The following NPSR1 variants were observed in gnomAD, a reference collection of about 807,000 sequenced individuals.
The protein encoded by NPSR1 is neuropeptide S receptor.
Under a neutral mutation model 46.9 loss-of-function variants are expected in NPSR1, and 48 were observed. The observed-to-expected ratio is 1.02, with a 90% CI of 0.81 to 1.30. The LOEUF (loss-of-function observed/expected upper bound fraction) is 1.30, where lower values mean the gene tolerates loss of function less well. Among genes scored for constraint, NPSR1 ranks in the 50% most tolerant of loss-of-function variants. The probability of loss-of-function intolerance (pLI) is 0.00; values close to 1 mark genes in which losing one functional copy is unlikely to be tolerated. For synonymous variants in NPSR1, 176 were observed against 168.1 expected, an observed-to-expected ratio of 1.05 and a Z score of -0.36; for missense variants, 450 against 449.5, an observed-to-expected ratio of 1.00 and a Z score of -0.01.
chr7:34,803,667 T>G (rs1788541661), intron 3 of NPSR1, among the ~76,000 whole-genome samples: 1 of 151,328 alleles, frequency 6.6e-6, no homozygotes, highest in Non-Finnish European at 1.5e-5. Flanking sequence ...CGTATACATA[T>G]GTAACTAACC....
At position 34,658,427 on chromosome 7, in the gene NPSR1, C is replaced by A. The variant is rs753231326; in HGVS notation, c.15C>A (p.Phe5Leu). The A allele has an allele frequency of 6.2e-7, 1 of 1,614,098 alleles. No homozygotes were observed. The highest frequency in any genetic ancestry group is 1.1e-5 in the South Asian group (1 of 91,072). MPANFTEGSFDSSGT... is the reference protein window; with the variant it reads MPANLTEGSFDSSGT... The stretch of plus-strand genomic sequence containing the variant: ...CCGCCTGAGCCATGCCAGCCAACTT[C>A]ACAGAGGGCAGCTTCGATTCCAGTG... The change falls in exon 1 of 9, where the codon TTC becomes TTA. Residue 5 changes from phenylalanine (F) to leucine (L), a missense_variant. Coordinates refer to ENST00000360581, the MANE Select transcript of NPSR1 (RefSeq NM_207172.2).
intron 4 of NPSR1, among the ~76,000 whole-genome samples, chr7:34,825,538 G>A (rs958620780): frequency 5.3e-5 from 8 of 152,212 alleles, no homozygotes; most frequent in African/African-American, 1.9e-4. Flanking sequence ...GCATCATGAA[G>A]TTTGCCTGAG....
intron 8 of NPSR1, among the ~76,000 whole-genome samples, chr7:34,871,816 C>T (rs1460426894): frequency 6.6e-6 from 1 of 151,948 alleles, no homozygotes; most frequent in Non-Finnish European, 1.5e-5. Context: ...CTTGGGCAGA[C>T]CCACCCCTGT....
rs570855631 is a variant in NPSR1 at position 34,721,099 on chromosome 7, C to G, written c.280+36415C>G. Reference sequence around the variant, plus strand: ...ACATAAATAGGAACAGTGGCATAAGCAAAAAGGCAGGGAGGGTAAAGGAAT... The same window carrying G: ...ACATAAATAGGAACAGTGGCATAAGGAAAAAGGCAGGGAGGGTAAAGGAAT... On this transcript the variant is annotated intron_variant, in intron 2 of 8. Transcript: ENST00000360581. Among the ~76,000 whole-genome samples the G allele has an allele frequency of 5.3e-5, 8 of 151,970 alleles. 1 individual carries two copies. The East Asian group carries it at 9.6e-4, about 18-fold the overall frequency.
intron 2 of NPSR1, among the ~76,000 whole-genome samples, chr7:34,758,716 A>G (rs1044270729): frequency 6.6e-6 from 1 of 152,188 alleles, no homozygotes; most frequent in African/African-American, 2.4e-5. Context: ...CATTTCCTCT[A>G]TCAGTCTATC....
chr7:34,695,094 G>A (rs879460929), intron 2 of NPSR1, among the ~76,000 whole-genome samples: 13 of 152,272 alleles, frequency 8.5e-5, no homozygotes, highest in South Asian at 2.1e-4. Context: ...AACTAAAACA[G>A]CATGATACTG....
chr7:34,781,475 C>T (rs893788945), intron 3 of NPSR1, among the ~76,000 whole-genome samples: 1 of 152,150 alleles, frequency 6.6e-6, no homozygotes. Context: ...ACCTAAGAGG[C>T]CATGATTTGG....
intron 2 of NPSR1, among the ~76,000 whole-genome samples, chr7:34,711,929 G>C (rs1043774945): frequency 8.5e-5 from 13 of 152,194 alleles, no homozygotes; most frequent in Non-Finnish European, 1.8e-4. Flanking sequence ...AAGATGGCTG[G>C]GTCTGTCTCT....
In NPSR1 at chr7:34,658,390, T is replaced by C. The variant is rs776948373; in HGVS notation, c.-23T>C. 17 of 1,612,438 alleles carry C rather than the reference T, an allele frequency of 1.1e-5. No individual in the cohort carries two copies. The highest frequency in any genetic ancestry group is 1.4e-5 in the Non-Finnish European group (17 of 1,179,632). On this transcript the variant is annotated 5_prime_UTR_variant, in exon 1 of 9. Transcript: ENST00000360581. The stretch of plus-strand genomic sequence containing the variant: ...CACTCAGCTGCAGGAGCAAGGACAG[T>C]GAGGCTCAACCCCGCCTGAGCCATG...
At chr7:34,788,837 A>C (rs746574649) in intron 3 of NPSR1, among the ~76,000 whole-genome samples, 2 of 152,148 alleles carry the variant, frequency 1.3e-5, no homozygotes, top group South Asian at 4.1e-4. Context: ...CATTTCACCT[A>C]GTGGCAGCAG....
intron 1 of NPSR1, chr7:34,660,285 A>T: frequency 2.3e-6 from 1 of 443,444 alleles, no homozygotes; most frequent in Non-Finnish European, 4.6e-6. Context: ...TATTTGAGAG[A>T]TACGTGTATT....
intron 3 of NPSR1, among the ~76,000 whole-genome samples, chr7:34,788,091 A>G (rs1787546183): frequency 6.6e-6 from 1 of 152,082 alleles, no homozygotes; most frequent in Non-Finnish European, 1.5e-5. Flanking sequence ...GTGTTAAGGG[A>G]TATACTATAT....
intron 3 of NPSR1, among the ~76,000 whole-genome samples, chr7:34,792,560 CATAT>C (rs538063783): frequency 4.7e-4 from 54 of 115,678 alleles, no homozygotes; most frequent in African/African-American, 1.6e-3. Flanking sequence ...TATATATGTA[CATAT>C]ATATATATGT....
At chr7:34,717,225 C>T (rs541827311) in intron 2 of NPSR1, among the ~76,000 whole-genome samples, 2 of 152,290 alleles carry the variant, frequency 1.3e-5, no homozygotes, top group East Asian at 1.9e-4. Flanking sequence ...CTCCACTTCC[C>T]GGGTTCAAGC....
chr7:34,805,181 T>A (rs1485475352), intron 3 of NPSR1, among the ~76,000 whole-genome samples: 1 of 151,690 alleles, frequency 6.6e-6, no homozygotes. Flanking sequence ...ATAAACAAAC[T>A]CTAAAATCAT....
chr7:34,792,703 A>ATATATATATTTATATATATATATGTG (rs57249705), intron 3 of NPSR1, among the ~76,000 whole-genome samples: 21 of 88,560 alleles, frequency 2.4e-4, no homozygotes, highest in African/African-American at 8.0e-4. Context: ...ATATATACGT[A>ATATATATATTTATATATATATATGTG]TATATATATA....
At chr7:34,876,858 C>T (rs1408434670) in intron 8 of NPSR1, among the ~76,000 whole-genome samples, 12 of 152,274 alleles carry the variant, frequency 7.9e-5, no homozygotes, top group African/African-American at 2.9e-4. Context: ...GCTCTGACAG[C>T]AGAAAAAGAC....
intron 3 of NPSR1, among the ~76,000 whole-genome samples, chr7:34,781,060 T>A (rs981861053): frequency 2.6e-5 from 4 of 152,118 alleles, no homozygotes; most frequent in Admixed American, 2.6e-4. Context: ...ACCAGGTATA[T>A]GCCCAGGACT....
chr7:34,797,197 C>T (rs1788211691), intron 3 of NPSR1, among the ~76,000 whole-genome samples: 1 of 152,016 alleles, frequency 6.6e-6, no homozygotes, highest in African/African-American at 2.4e-5. Flanking sequence ...GAGAGGGAGG[C>T]AGAGCACAGA....
Sources: allele counts gnomAD v4.1 joint callset (sites outside exome capture counted in the v4.1 genomes callset), GRCh38; gene constraint gnomAD v4.1.1; transcripts MANE v1.5; gene names NCBI Gene and HGNC (gene_info 2026-07-23, HGNC 2026-07-21).